SNX18: variants seen among roughly 807,000 people sequenced by gnomAD.
The protein encoded by SNX18 is sorting nexin 18, also known as sorting nexin-18.
In SNX18, 35 loss-of-function variants were observed where a neutral mutation model predicts 48.7. That is an observed-to-expected ratio of 0.72 (90% CI 0.55 to 0.95). The LOEUF is 0.95. Among genes scored for constraint, SNX18 ranks in the 40% least tolerant of loss-of-function variants. SNX18 has a pLI of 0.00. For synonymous variants in SNX18, 492 were observed against 384.7 expected, an observed-to-expected ratio of 1.28 and a Z score of -3.26; for missense variants, 824 against 871.0, an observed-to-expected ratio of 0.95 and a Z score of 0.68.
At chr5:54,630,010 T>C in the SNX18 span, among the ~76,000 whole-genome samples, 10 of 152,238 alleles carry the variant, frequency 6.6e-5, no homozygotes, top group African/African-American at 1.4e-4. Flanking sequence ...CTTTAAAGGA[T>C]TGCAGAGTCA....
At chr5:54,580,320 C>A in the SNX18 span, among the ~76,000 whole-genome samples, 1 of 152,102 alleles carries the variant, frequency 6.6e-6, no homozygotes, top group African/African-American at 2.4e-5. Context: ...TAGCAGAATG[C>A]CTTGAAAAGT....
chr5:54,637,316 C>A, the SNX18 span, among the ~76,000 whole-genome samples: 1 of 152,292 alleles, frequency 6.6e-6, no homozygotes, highest in Admixed American at 6.5e-5. Context: ...ATGAATTAAT[C>A]ATAAATAAAA....
chr5:54,578,756 G>A, the SNX18 span, among the ~76,000 whole-genome samples: 6 of 152,086 alleles, frequency 3.9e-5, no homozygotes, highest in East Asian at 3.9e-4. Context: ...AGATGACCCC[G>A]GATCCTTAGG....
chr5:54,625,806 C>G, the SNX18 span, among the ~76,000 whole-genome samples: 2 of 152,090 alleles, frequency 1.3e-5, no homozygotes, highest in Admixed American at 6.5e-5. Flanking sequence ...ACCTGGCCAA[C>G]GAGACTTCAC....
At chr5:54,605,153 T>C in the SNX18 span, among the ~76,000 whole-genome samples, 4 of 152,118 alleles carry the variant, frequency 2.6e-5, no homozygotes, top group African/African-American at 9.7e-5. Context: ...TACTGGACTT[T>C]ATTCTACCTT....
At chr5:54,600,215 A>G in the SNX18 span, among the ~76,000 whole-genome samples, 1 of 152,184 alleles carries the variant, frequency 6.6e-6, no homozygotes, top group Non-Finnish European at 1.5e-5. Flanking sequence ...GCCAACAAAC[A>G]TATGAAAAAA....
the SNX18 span, among the ~76,000 whole-genome samples, chr5:54,573,396 G>C: frequency 2.0e-5 from 3 of 152,068 alleles, no homozygotes; most frequent in Non-Finnish European, 4.4e-5. Context: ...CTTGAGATCT[G>C]GATTGGGACC....
chr5:54,580,137 A>AAG, the SNX18 span, among the ~76,000 whole-genome samples: 2 of 152,036 alleles, frequency 1.3e-5, no homozygotes, highest in Admixed American at 6.6e-5. Flanking sequence ...GAGAAAGAGC[A>AAG]AGAGAGAGAG....
chr5:54,574,294 G>A, the SNX18 span, among the ~76,000 whole-genome samples: 1 of 152,318 alleles, frequency 6.6e-6, no homozygotes, highest in South Asian at 2.1e-4. Flanking sequence ...GCGCTAAGAG[G>A]AGAATCTCAA....
the SNX18 span, among the ~76,000 whole-genome samples, chr5:54,638,789 G>A: frequency 2.6e-5 from 4 of 152,202 alleles, no homozygotes; most frequent in South Asian, 2.1e-4. Context: ...TGAGCCACCC[G>A]CTTGCCTAAG....
At chr5:54,570,842 A>C in the SNX18 span, among the ~76,000 whole-genome samples, 21,583 of 152,246 alleles carry the variant, frequency 0.14, 1,586 homozygotes, top group Middle Eastern at 0.16. Flanking sequence ...TAAAAACTTC[A>C]GTCTGAAAGA....
rs1209684573 is a variant in SNX18 at position 54,518,752 on chromosome 5, C to A, written c.800C>A (p.Pro267His). Residue 267 changes from proline (P) to histidine (H), a missense_variant, in exon 1 of 2, where the codon CCC (proline) becomes CAC (histidine). By Grantham distance (77) the Pro-to-His change is moderately conservative (BLOSUM62 -2). This residue lies in a region of SNX18 where 443 missense variants were observed against 503.6 expected (regional missense o/e 0.88). Coordinates refer to ENST00000381410, the MANE Select transcript of SNX18 (RefSeq NM_001102575.2). ...KLCVVLGPYG[P>H]EWQENPYPFQ... ...TGCGTGGTGCTGGGGCCCTATGGCCCCGAGTGGCAGGAGAACCCCTACCCG... is the reference window on the plus strand; with the variant it reads ...TGCGTGGTGCTGGGGCCCTATGGCCACGAGTGGCAGGAGAACCCCTACCCG... 1 of 1,606,560 alleles carries A rather than the reference C, an allele frequency of 6.2e-7. No individual in the cohort carries two copies.
Position 54,544,146 on chromosome 5 carries a change from G to A in SNX18, c.*714G>A, listed in dbSNP as rs1165936564. On this transcript the variant is annotated 3_prime_UTR_variant, in exon 2 of 2. Transcript: ENST00000381410. ...GAGTGAGATTCATTGCTCATCTTTGGATATGAAGTCTGTTAGGGAAGAAAC... is the reference window on the plus strand; with the variant it reads ...GAGTGAGATTCATTGCTCATCTTTGAATATGAAGTCTGTTAGGGAAGAAAC... The A allele has an allele frequency of 6.6e-6, 1 of 152,134 alleles. No individual in the cohort carries two copies. Among genetic ancestry groups the A allele is most frequent in the Non-Finnish European group, 1.5e-5 (1 of 68,074 alleles). 9.4% of individuals were successfully genotyped at this position (152,134 alleles called of 1,614,324 possible).
chr5:54,631,915 A>G, the SNX18 span, among the ~76,000 whole-genome samples: 23 of 152,172 alleles, frequency 1.5e-4, no homozygotes, highest in Admixed American at 1.5e-3. Flanking sequence ...CAAAACCTCA[A>G]ATTGGGCCAG....
the SNX18 span, among the ~76,000 whole-genome samples, chr5:54,592,328 G>T: frequency 6.6e-6 from 1 of 152,076 alleles, no homozygotes; most frequent in Non-Finnish European, 1.5e-5. Flanking sequence ...TCTCAGATGG[G>T]TGTTACAGAG....
intron 1 of SNX18, chr5:54,519,880 C>T (rs766679560): frequency 1.2e-5 from 18 of 1,501,208 alleles, no homozygotes; most frequent in Admixed American, 2.0e-5. Context: ...AATCTGTAAT[C>T]TTGAGACGAG....
At chr5:54,627,671 G>A in the SNX18 span, among the ~76,000 whole-genome samples, 4 of 152,082 alleles carry the variant, frequency 2.6e-5, no homozygotes, top group African/African-American at 4.8e-5. Flanking sequence ...GAGGGAGCAC[G>A]TGGGGGGACC....
the SNX18 span, among the ~76,000 whole-genome samples, chr5:54,640,911 T>C: frequency 6.6e-6 from 1 of 152,048 alleles, no homozygotes; most frequent in Non-Finnish European, 1.5e-5. Flanking sequence ...AATACAAAAA[T>C]TAGCTGAGTG....
At chr5:54,524,706 C>G (rs190395801) in intron 1 of SNX18, among the ~76,000 whole-genome samples, 10 of 152,320 alleles carry the variant, frequency 6.6e-5, no homozygotes, top group Admixed American at 6.5e-4. Flanking sequence ...ATGCTGAGCT[C>G]TGTTTGACAA....
Sources: allele counts gnomAD v4.1 joint callset (sites outside exome capture counted in the v4.1 genomes callset), GRCh38; gene constraint gnomAD v4.1.1; regional missense constraint gnomAD v4.1.1; transcripts MANE v1.5; gene names NCBI Gene and HGNC (gene_info 2026-07-23, HGNC 2026-07-21).